RANBP2: variants seen among roughly 807,000 people sequenced by gnomAD.
The protein encoded by RANBP2 is E3 SUMO-protein ligase RanBP2.
RANBP2 carries 57 observed loss-of-function variants against 303.6 expected under a neutral mutation model. That is an observed-to-expected ratio of 0.19 (90% CI 0.15 to 0.23). The LOEUF is 0.23. RANBP2 is among the 10% of genes least tolerant of loss of function. RANBP2 has a pLI of 1.00. For missense variants in RANBP2, 3,138 were observed against 3,780.8 expected (o/e 0.83, Z 4.46); for synonymous variants, 1,167 against 1,301.5 (o/e 0.90, Z 2.23).
At chr2:108,780,278 C>T (rs552276740) in intron 25 of RANBP2, among the ~76,000 whole-genome samples, 18 of 149,234 alleles carry the variant, frequency 1.2e-4, no homozygotes, top group Non-Finnish European at 1.8e-4. Context: ...TTGCAACCTC[C>T]GCCTCCCAAG....
At chr2:109,701,014 G>A in the RANBP2 span, among the ~76,000 whole-genome samples, 45 of 152,306 alleles carry the variant, frequency 3.0e-4, no homozygotes, top group African/African-American at 9.1e-4. Context: ...AGCCTCTTGT[G>A]GCTGAGGGAA....
downstream of RANBP2, chr2:108,788,998 C>A: frequency 6.2e-7 from 1 of 1,610,394 alleles, no homozygotes. Flanking sequence ...CTGTTGCTAC[C>A]CCCTCAGTAT....
At chr2:108,723,090 G>A (rs543293810) in intron 1 of RANBP2, among the ~76,000 whole-genome samples, 5 of 151,884 alleles carry the variant, frequency 3.3e-5, no homozygotes. Context: ...TGCCCAGGCT[G>A]CCATCAAATT....
the RANBP2 span, among the ~76,000 whole-genome samples, chr2:109,494,016 C>T: frequency 6.6e-6 from 1 of 152,136 alleles, no homozygotes; most frequent in East Asian, 1.9e-4. Context: ...GGGTCCTGGC[C>T]CTTGTCTGGA....
At chr2:109,349,035 C>T in the RANBP2 span, among the ~76,000 whole-genome samples, 1 of 152,152 alleles carries the variant, frequency 6.6e-6, no homozygotes, top group Non-Finnish European at 1.5e-5. Context: ...CTCTCTCTCT[C>T]TCACACACAC....
At chr2:108,961,805 A>G in the RANBP2 span, among the ~76,000 whole-genome samples, 1 of 152,196 alleles carries the variant, frequency 6.6e-6, no homozygotes, top group East Asian at 1.9e-4. Flanking sequence ...CTCTCTCGTG[A>G]CCTGAGCCTG....
chr2:109,491,918 T>C, the RANBP2 span, among the ~76,000 whole-genome samples: 9 of 152,218 alleles, frequency 5.9e-5, no homozygotes, highest in Non-Finnish European at 1.0e-4. Context: ...CAGACGCCAT[T>C]CCCAGTGCCA....
At chr2:108,909,715 TG>T in the RANBP2 span, among the ~76,000 whole-genome samples, 25 of 152,206 alleles carry the variant, frequency 1.6e-4, no homozygotes, top group African/African-American at 6.0e-4. Flanking sequence ...TCCCACTGGA[TG>T]AATAAAATAT....
chr2:108,887,659 T>C, the RANBP2 span, among the ~76,000 whole-genome samples: 1 of 152,216 alleles, frequency 6.6e-6, no homozygotes, highest in Non-Finnish European at 1.5e-5. Context: ...AATTGCCTTC[T>C]TGATTTCTTT....
At chr2:109,433,353 T>TA in the RANBP2 span, among the ~76,000 whole-genome samples, 1 of 152,274 alleles carries the variant, frequency 6.6e-6, no homozygotes, top group African/African-American at 2.4e-5. Flanking sequence ...CAGTGTTTAA[T>TA]AAGTTCTCAG....
the RANBP2 span, among the ~76,000 whole-genome samples, chr2:109,148,711 G>A: frequency 7.2e-5 from 11 of 152,348 alleles, no homozygotes; most frequent in South Asian, 1.7e-3. Context: ...AAGAAGCAGA[G>A]CGTAATGTGT....
the RANBP2 span, among the ~76,000 whole-genome samples, chr2:109,621,668 C>T: frequency 6.6e-6 from 1 of 152,046 alleles, no homozygotes; most frequent in Admixed American, 6.6e-5. Context: ...AATCCCAGCA[C>T]TTTGGGAGGC....
At chr2:109,019,290 G>T in the RANBP2 span, among the ~76,000 whole-genome samples, 3 of 152,328 alleles carry the variant, frequency 2.0e-5, no homozygotes, top group South Asian at 6.2e-4. Flanking sequence ...GTGTGGTGCT[G>T]GTGCTGTTGT....
intron 25 of RANBP2, among the ~76,000 whole-genome samples, chr2:108,780,926 C>T (rs148037782): frequency 0.028 from 4,202 of 152,188 alleles, 75 homozygotes; most frequent in Middle Eastern, 0.082. Flanking sequence ...TCAGGCTGGT[C>T]TTGAACTCCT....
chr2:109,461,848 AT>A, the RANBP2 span, among the ~76,000 whole-genome samples: 1 of 152,154 alleles, frequency 6.6e-6, no homozygotes, highest in South Asian at 2.1e-4. Flanking sequence ...AAAACTATCA[AT>A]TTTGGGGGTC....
the RANBP2 span, among the ~76,000 whole-genome samples, chr2:109,653,022 A>G: frequency 6.6e-6 from 1 of 152,176 alleles, no homozygotes; most frequent in Non-Finnish European, 1.5e-5. Flanking sequence ...TTACTAAGGC[A>G]GCTTCTGCTG....
chr2:109,627,879 A>T, the RANBP2 span, among the ~76,000 whole-genome samples: 536 of 152,362 alleles, frequency 3.5e-3, 6 homozygotes, highest in African/African-American at 0.012. Context: ...AACACAATTT[A>T]TCCCTTCAAC....
the RANBP2 span, among the ~76,000 whole-genome samples, chr2:108,903,433 G>C: frequency 0.72 from 109,603 of 151,870 alleles, 42,051 homozygotes; most frequent in East Asian, 0.95. Flanking sequence ...ATAGCTAAAA[G>C]ATTTTTGAAA....
At chr2:109,490,721 G>T in the RANBP2 span, 1 of 1,535,264 alleles carries the variant, frequency 6.5e-7, no homozygotes, top group Non-Finnish European at 8.7e-7. Flanking sequence ...TGGACGCCCT[G>T]CTCCAAGGTG....
Sources: gnomAD v4.1 joint callset for allele counts (sites outside exome capture counted in the v4.1 genomes callset) on GRCh38, gnomAD v4.1.1 for gene constraint, MANE v1.5 for transcripts, NCBI Gene and HGNC (gene_info 2026-07-23, HGNC 2026-07-21) for gene names.